Variants in GRM1 observed in about 807,000 individuals in gnomAD.
The protein encoded by GRM1 is metabotropic glutamate receptor 1.
GRM1 carries 33 observed loss-of-function variants against 90.9 expected under a neutral mutation model. The ratio of observed to expected loss-of-function variants is 0.36; its 90% confidence interval spans 0.28 to 0.49. The LOEUF (loss-of-function observed/expected upper bound fraction) is 0.49. Among genes scored for constraint, GRM1 ranks in the 20% least tolerant of loss-of-function variants. The pLI is 0.99. For missense variants in GRM1, 1,190 were observed against 1,534.3 expected (o/e 0.78, Z 3.75); for synonymous variants, 700 against 613.2 (o/e 1.14, Z -2.09).
At chr6:146,162,928 T>C (rs939779041) in intron 2 of GRM1, among the ~76,000 whole-genome samples, 3 of 152,164 alleles carry the variant, frequency 2.0e-5, no homozygotes, top group African/African-American at 7.2e-5. Flanking sequence ...TATTTTTTTC[T>C]ATTAAAATAA....
rs1778614107 is a variant in GRM1, at chr6:146,437,036, G to GAAA, written c.*2241_*2242insAAA. Reference sequence around the variant, plus strand: ...GAAAAGATCTCATGACTGAGATGTGGACTTTGGTTCCATGTTTTCATTGTA... The same window carrying GAAA: ...GAAAAGATCTCATGACTGAGATGTGGAAAACTTTGGTTCCATGTTTTCATTGTA... On this transcript the variant is annotated 3_prime_UTR_variant, in exon 8 of 8. Transcript: ENST00000282753. 1 of 152,130 alleles carries GAAA rather than the reference G, an allele frequency of 6.6e-6. No homozygotes were observed. The highest frequency in any genetic ancestry group is 2.4e-5 in the African/African-American group (1 of 41,408). The allele number at this position is 152,130 out of a possible 1,614,324, so 9.4% of individuals were successfully genotyped here. A position where few individuals can be genotyped will look rare whatever the true frequency, so the allele number is the denominator to read the frequency against.
rs944707897 is a variant in GRM1, at chr6:146,392,539, C to T, written c.1729+5523C>T. On this transcript the variant is annotated intron_variant, in intron 6 of 7. Coordinates refer to ENST00000282753, the MANE Select transcript of GRM1 (RefSeq NM_001278064.2). ...AGCATAACATACCTTTATATTATTT[C>T]TTTTTTAAAATTATACTTCAAGTTC... Among the ~76,000 whole-genome samples the T allele has an allele frequency of 2.0e-5, 3 of 152,092 alleles. No individual in the cohort carries two copies. In the East Asian group the frequency reaches 5.8e-4, roughly 29 times the overall value.
intron 2 of GRM1, among the ~76,000 whole-genome samples, chr6:146,226,847 T>C (rs1780257303): frequency 6.6e-6 from 1 of 152,160 alleles, no homozygotes; most frequent in African/African-American, 2.4e-5. Flanking sequence ...TGATTCTTTT[T>C]CACTCACTCC....
chr6:146,062,545 T>G (rs1775710816), intron 1 of GRM1, among the ~76,000 whole-genome samples: 1 of 152,036 alleles, frequency 6.6e-6, no homozygotes, highest in South Asian at 2.1e-4. Context: ...TGCTGTTTGT[T>G]TTAAGAATTC....
chr6:146,387,567 TATAAAGTGC>T (rs1206222802), intron 6 of GRM1, among the ~76,000 whole-genome samples: 2 of 152,102 alleles, frequency 1.3e-5, no homozygotes, highest in African/African-American at 2.4e-5. Context: ...TAGAGATATC[TATAAAGTGC>T]ATAAAGTTTG....
chr6:146,232,985 T>C (rs1462772117), intron 2 of GRM1, among the ~76,000 whole-genome samples: 3 of 152,048 alleles, frequency 2.0e-5, no homozygotes, highest in African/African-American at 7.2e-5. Flanking sequence ...TTATTCTTGG[T>C]GGTGGTATTC....
At chr6:146,028,726 C>G (rs2128833578), upstream of GRM1, among the ~76,000 whole-genome samples, 1 of 152,268 alleles carries the variant, frequency 6.6e-6, no homozygotes, top group Admixed American at 6.5e-5. Context: ...CTTCTTCAAC[C>G]CCTCAAAATT....
intron 2 of GRM1, among the ~76,000 whole-genome samples, chr6:146,183,232 A>G (rs1778612467): frequency 6.6e-6 from 1 of 152,232 alleles, no homozygotes; most frequent in South Asian, 2.1e-4. Flanking sequence ...AAAGTTCTAC[A>G]TATTCATCAC....
chr6:146,144,048 A>G (rs1203165563), intron 1 of GRM1, among the ~76,000 whole-genome samples: 1 of 152,228 alleles, frequency 6.6e-6, no homozygotes, highest in African/African-American at 2.4e-5. Flanking sequence ...TAGGAGGCTT[A>G]AACCATAGAA....
At chr6:146,303,177 T>C (rs762812543) in intron 2 of GRM1, among the ~76,000 whole-genome samples, 6 of 152,158 alleles carry the variant, frequency 3.9e-5, no homozygotes, top group Non-Finnish European at 4.4e-5. Flanking sequence ...TTTATCTCAA[T>C]TGATCTCAGG....
chr6:146,103,191 T>C (rs552666253), intron 1 of GRM1, among the ~76,000 whole-genome samples: 1 of 152,374 alleles, frequency 6.6e-6, no homozygotes, highest in Non-Finnish European at 1.5e-5. Flanking sequence ...GATATAAGTA[T>C]ATTTGACGGC....
intron 2 of GRM1, among the ~76,000 whole-genome samples, chr6:146,253,202 C>A (rs1781363878): frequency 6.6e-6 from 1 of 152,032 alleles, no homozygotes; most frequent in Non-Finnish European, 1.5e-5. Flanking sequence ...CCTTCGGCAG[C>A]AATATGAAGC....
rs1778536724 is a variant in GRM1 at position 146,434,667 on chromosome 6, C to T, written c.3456C>T (p.Arg1152=). 6.2e-7 allele frequency: 1 copy of T among 1,608,088 alleles called. No homozygotes were observed. The highest frequency in any genetic ancestry group is 8.5e-7 in the Non-Finnish European group (1 of 1,180,008). Reference sequence around the variant, plus strand: ...CGCTGACGCCTCCGTCGCCTTTCCGCGACTCGGTGGCCTCGGGCAGCTCGG... The same window carrying T: ...CGCTGACGCCTCCGTCGCCTTTCCGTGACTCGGTGGCCTCGGGCAGCTCGG... ...SPALTPPSPF[R]DSVASGSSVP... The change falls in exon 8 of 8, where the codon CGC becomes CGT. Residue 1152 remains arginine (R), a synonymous_variant. Transcript: ENST00000282753.
chr6:146,032,150 A>T (rs763399724), intron 1 of GRM1, among the ~76,000 whole-genome samples: 2 of 152,132 alleles, frequency 1.3e-5, no homozygotes, highest in Non-Finnish European at 2.9e-5. Flanking sequence ...AATTTTGCCC[A>T]TGTGTTAGTT....
chr6:146,223,986 T>G (rs1470645024), intron 2 of GRM1, among the ~76,000 whole-genome samples: 2 of 152,082 alleles, frequency 1.3e-5, no homozygotes, highest in Non-Finnish European at 2.9e-5. Context: ...AGCAGATCCA[T>G]TTTTAAGGGT....
chr6:146,327,977 A>T (rs1196739630), intron 3 of GRM1, among the ~76,000 whole-genome samples: 1 of 152,128 alleles, frequency 6.6e-6, no homozygotes, highest in East Asian at 1.9e-4. Flanking sequence ...ACAGGCAAGG[A>T]TGTGAGGCGC....
intron 1 of GRM1, among the ~76,000 whole-genome samples, chr6:146,137,154 CAGA>C (rs1776657166): frequency 6.6e-6 from 1 of 152,012 alleles, no homozygotes; most frequent in African/African-American, 2.4e-5. Flanking sequence ...TGCCCGGCCG[CAGA>C]AGCTTTTTAA....
intron 2 of GRM1, among the ~76,000 whole-genome samples, chr6:146,294,558 A>G (rs1783109860): frequency 6.6e-6 from 1 of 152,128 alleles, no homozygotes; most frequent in African/African-American, 2.4e-5. Flanking sequence ...GACCTTATAC[A>G]TGTTCATTAG....
chr6:146,336,338 T>C (rs542249260), intron 3 of GRM1, among the ~76,000 whole-genome samples: 38 of 152,264 alleles, frequency 2.5e-4, no homozygotes, highest in African/African-American at 8.7e-4. Context: ...AAGCTAAGAC[T>C]GGGGAGTAAG....
Sources: allele counts gnomAD v4.1 joint callset (sites outside exome capture counted in the v4.1 genomes callset), GRCh38; gene constraint gnomAD v4.1.1; transcripts MANE v1.5; gene names NCBI Gene and HGNC (gene_info 2026-07-23, HGNC 2026-07-21).